RIPOR1: variants seen among roughly 807,000 people sequenced by gnomAD.
RIPOR1 encodes the protein RHO family interacting cell polarization regulator 1.
A neutral mutation model predicts 116.5 loss-of-function variants in RIPOR1; 58 were observed. The ratio of observed to expected loss-of-function variants is 0.50; its 90% confidence interval spans 0.40 to 0.62. RIPOR1 has a LOEUF of 0.62. Ranked by LOEUF, RIPOR1 falls within the 20% of genes least tolerant of loss-of-function variation. RIPOR1 has a pLI of 0.00. For missense variants in RIPOR1, 1,372 were observed against 1,586.2 expected, an observed-to-expected ratio of 0.86 and a Z score of 2.29; for synonymous variants, 605 against 650.0, an observed-to-expected ratio of 0.93 and a Z score of 1.05.
Position 67,530,902 on chromosome 16 carries a change from A to G in RIPOR1, c.-24+1988A>G, listed in dbSNP as rs2050644784. Among the ~76,000 whole-genome samples, 2 of 151,626 alleles carry G rather than the reference A, an allele frequency of 1.3e-5. No individual in the cohort carries two copies. Among genetic ancestry groups the G allele is most frequent in the Non-Finnish European group, 2.9e-5 (2 of 67,848 alleles). On this transcript the variant is annotated intron_variant, in intron 1 of 21. Transcript: ENST00000042381. The surrounding 1 kb of genome is among the most constrained non-coding windows in gnomAD (Gnocchi z 4.5). ...GAGGTGGCCCTTCTGCCTTAGCTCA[A>G]GGGGTTCAGCTCTTTCCCTACCTGC...
At chr16:67,536,351 G>A (rs1289919644) in intron 1 of RIPOR1, among the ~76,000 whole-genome samples, 1 of 152,140 alleles carries the variant, frequency 6.6e-6, no homozygotes, top group Non-Finnish European at 1.5e-5. Flanking sequence ...GGGAGCCTGA[G>A]GCAGGAGAAT....
upstream of RIPOR1, among the ~76,000 whole-genome samples, chr16:67,527,520 A>G (rs887746751): frequency 6.6e-6 from 1 of 151,516 alleles, no homozygotes. Context: ...CCAAGGTGGG[A>G]GGATCGCTTG....
Position 67,544,256 on chromosome 16 carries a change from G to C in RIPOR1, c.2601-43G>C. 6.4e-7 allele frequency: 1 copy of C among 1,569,630 alleles called. No homozygotes were observed. Among genetic ancestry groups the C allele is most frequent in the South Asian group, 1.1e-5 (1 of 88,736 alleles). On this transcript the variant is annotated intron_variant, in intron 14 of 21. Coordinates refer to ENST00000042381, the MANE Select transcript of RIPOR1 (RefSeq NM_024519.4). The surrounding 1 kb of genome is among the most constrained non-coding windows in gnomAD (Gnocchi z 5.1). ...AAAAATAAACGCTGGTGACCAGGTG[G>C]TGATGTGTGCCTGTGGGGTGGTGGA...
chr16:67,540,178 C>T lies in RIPOR1; in HGVS notation c.540C>T (p.Ala180=), dbSNP rs770391113. 6 of 1,614,040 alleles carry T rather than the reference C, an allele frequency of 3.7e-6. No individual in the cohort carries two copies. Among genetic ancestry groups the T allele is most frequent in the Admixed American group, 3.3e-5 (2 of 60,012 alleles). Residue 180 remains alanine, a synonymous_variant, in exon 7 of 22, where the codon GCC becomes GCT. Transcript: ENST00000042381. The surrounding 1 kb of genome is among the most constrained non-coding windows in gnomAD (Gnocchi z 4.7). The part of the protein sequence containing the change: ...SREARDSLAE[A]TRGHREYTES... ...AGGCCCGGGACAGCCTGGCAGAGGCCACTCGGGGGCATCGCGAGTACACGG... is the reference window on the plus strand; with the variant it reads ...AGGCCCGGGACAGCCTGGCAGAGGCTACTCGGGGGCATCGCGAGTACACGG...
In RIPOR1 at chr16:67,539,173, A is replaced by G. The variant is rs922588669; in HGVS notation, c.336+105A>G. 7 of 928,154 alleles carry G rather than the reference A, an allele frequency of 7.5e-6. No homozygotes were observed. In the Admixed American group the frequency reaches 1.7e-4, roughly 23 times the overall value. The allele number at this position is 928,154 out of a possible 1,614,324, so 57.5% of individuals were successfully genotyped here. A position where few individuals can be genotyped will look rare whatever the true frequency, so the allele number is the denominator to read the frequency against. On this transcript the variant is annotated intron_variant, in intron 4 of 21. Coordinates refer to ENST00000042381, the MANE Select transcript of RIPOR1 (RefSeq NM_024519.4). ...GCTATTTTCTGAAGTGATCTGGTTC[A>G]GGTGTGAGTAGAAAAGGGGATATCA...
chr16:67,537,711 A>C lies in RIPOR1; in HGVS notation c.-23-713A>C. 1.5e-6 allele frequency: 1 copy of C among 650,822 alleles called. No individual in the cohort carries two copies. The highest frequency in any genetic ancestry group is 2.2e-6 in the Non-Finnish European group (1 of 452,090). The allele number at this position is 650,822 out of a possible 1,614,324, so 40.3% of individuals were successfully genotyped here. A position where few individuals can be genotyped will look rare whatever the true frequency, so the allele number is the denominator to read the frequency against. On this transcript the variant is annotated intron_variant, in intron 1 of 21. Coordinates refer to ENST00000042381, the MANE Select transcript of RIPOR1 (RefSeq NM_024519.4). The surrounding 1 kb of genome is among the most constrained non-coding windows in gnomAD (Gnocchi z 4.6). ...GAAGCGGGGTGGGGGTCTGCCGAGG[A>C]GCTCTCCCCGCCGATGCCGGGGTGG...
rs1597652202 is a variant in RIPOR1 at position 67,542,999 on chromosome 16, C to T, written c.2213C>T (p.Thr738Ile). 1 of 1,568,142 alleles carries T rather than the reference C, an allele frequency of 6.4e-7. No homozygotes were observed. The highest frequency in any genetic ancestry group is 8.6e-7 in the Non-Finnish European group (1 of 1,157,646). ...GCCCATTCCAGTAGGAAACCCCTCA[C>T]AAGCCCTGCCCCAGATCCCTCAGAG... Reference protein sequence around the residue: ...SPAHSSRKPLTSPAPDPSEST... With the variant: ...SPAHSSRKPLISPAPDPSEST... Residue 738 changes from threonine (T) to isoleucine (I), a missense_variant, in exon 13 of 22, where the codon ACA becomes ATA. Thr to Ile is a moderately conservative substitution (Grantham distance 89). This residue lies in a region of RIPOR1 where 1,005 missense variants were observed against 1,144.7 expected (regional missense o/e 0.88). Coordinates refer to ENST00000042381, the MANE Select transcript of RIPOR1 (RefSeq NM_024519.4). This position sits in a 1 kb window ranked among gnomAD's most constrained non-coding sequence, Gnocchi z 4.6.
At chr16:67,538,890 G>A (rs2050887667) in intron 3 of RIPOR1, 66 bp downstream of exon 3, 2 of 1,610,594 alleles carry the variant, frequency 1.2e-6, no homozygotes, top group Non-Finnish European at 8.5e-7. Flanking sequence ...CCTGCTAGCA[G>A]GAACCTTCTC....
Position 67,542,220 on chromosome 16 carries a change from C to G in RIPOR1, c.1434C>G (p.Ser478Arg). 3 of 1,613,538 alleles carry G rather than the reference C, an allele frequency of 1.9e-6. No homozygotes were observed. The highest frequency in any genetic ancestry group is 1.7e-6 in the Non-Finnish European group (2 of 1,179,644). Reference sequence around the variant, plus strand: ...CAGAAAGCCTAGCCTGGGGACCTAGCCCACCTACACACCCAGCTCCCACCC... The same window carrying G: ...CAGAAAGCCTAGCCTGGGGACCTAGGCCACCTACACACCCAGCTCCCACCC... ...VGPESLAWGP[S>R]PPTHPAPTHG... Residue 478 changes from serine (S) to arginine (R), a missense_variant, in exon 13 of 22, where the codon AGC (serine) becomes AGG (arginine). Around this residue, in one of 3 missense-constraint regions of RIPOR1, gnomAD observed 1,005 missense variants for 1,144.7 expected, o/e 0.88. Coordinates refer to ENST00000042381, the MANE Select transcript of RIPOR1 (RefSeq NM_024519.4). The surrounding 1 kb of genome is among the most constrained non-coding windows in gnomAD (Gnocchi z 4.6).
upstream of RIPOR1, among the ~76,000 whole-genome samples, chr16:67,525,536 C>T (rs1194644702): frequency 2.0e-5 from 3 of 151,942 alleles, no homozygotes; most frequent in African/African-American, 7.3e-5. Context: ...TGAGGGAAGC[C>T]GCGGTTTTTC....
At chr16:67,528,762 T>G (rs1199783797), upstream of RIPOR1, 4 of 14,984 alleles carry the variant, frequency 2.7e-4, no homozygotes, top group South Asian at 1.8e-3. Context: ...GCGCAGGGGG[T>G]GGGGCCCGGC....
At position 67,539,027 on chromosome 16, in the gene RIPOR1, C is replaced by T; in HGVS notation, c.295C>T (p.Leu99Phe). Reference sequence around the variant, plus strand: ...AGTGCACCAGCAGGAGCAAGAGAAACTCCAGGGGCAGATAAGGGAGTCCAA... The same window carrying T: ...AGTGCACCAGCAGGAGCAAGAGAAATTCCAGGGGCAGATAAGGGAGTCCAA... ...LEVHQQEQEK[L>F]QGQIRESKRN... is the part of the protein sequence containing the mutation. The change falls in exon 4 of 22, where the codon CTC becomes TTC. Residue 99 changes from leucine to phenylalanine, a missense_variant. Leu to Phe is a conservative substitution (Grantham distance 22). Around this residue, in one of 3 missense-constraint regions of RIPOR1, gnomAD observed 165 missense variants for 145.5 expected, o/e 1.13. Coordinates refer to ENST00000042381, the MANE Select transcript of RIPOR1 (RefSeq NM_024519.4). 6.2e-7 allele frequency: 1 copy of T among 1,613,660 alleles called. No individual in the cohort carries two copies. The highest frequency in any genetic ancestry group is 8.5e-7 in the Non-Finnish European group (1 of 1,179,904).
chr16:67,524,500 C>G (rs749066894), upstream of RIPOR1, among the ~76,000 whole-genome samples: 12 of 152,268 alleles, frequency 7.9e-5, no homozygotes, highest in Admixed American at 7.2e-4. Context: ...AGCTCAGACC[C>G]CTCTCTCTTC....
chr16:67,519,467 C>T (rs1049209634), intron 1 of RIPOR1, among the ~76,000 whole-genome samples: 1 of 152,032 alleles, frequency 6.6e-6, no homozygotes, highest in Non-Finnish European at 1.5e-5. Context: ...CAGAGGTCAT[C>T]CAGCTGCTGC....
intron 1 of RIPOR1, among the ~76,000 whole-genome samples, chr16:67,536,018 T>G (rs1467537263): frequency 6.6e-6 from 1 of 152,100 alleles, no homozygotes; most frequent in Non-Finnish European, 1.5e-5. Context: ...GGGGAGAAAG[T>G]AAGCACAGTA....
Position 67,545,182 on chromosome 16 carries a change from C to T in RIPOR1, c.3031+65C>T. ...CCCAGTGACAGGAAGCTCGGGGAAGCCAGGTCAGCCCACACAGATAAACGA... is the reference window on the plus strand; with the variant it reads ...CCCAGTGACAGGAAGCTCGGGGAAGTCAGGTCAGCCCACACAGATAAACGA... On this transcript the variant is annotated intron_variant, in intron 17 of 21. Coordinates refer to ENST00000042381, the MANE Select transcript of RIPOR1 (RefSeq NM_024519.4). This position sits in a 1 kb window ranked among gnomAD's most constrained non-coding sequence, Gnocchi z 4.8. The T allele has an allele frequency of 3.8e-6, 6 of 1,586,538 alleles. No homozygotes were observed. Among genetic ancestry groups the T allele is most frequent in the Non-Finnish European group, 4.3e-6 (5 of 1,166,124 alleles).
rs2051112102 is a variant in RIPOR1, at chr16:67,544,773, G to C, written c.2812G>C (p.Glu938Gln). 1 of 1,608,420 alleles carries C rather than the reference G, an allele frequency of 6.2e-7. No homozygotes were observed. Among genetic ancestry groups the C allele is most frequent in the African/African-American group, 1.3e-5 (1 of 74,826 alleles). Residue 938 changes from glutamate (E) to glutamine (Q), a missense_variant, in exon 16 of 22, where the codon GAG becomes CAG. Physicochemically the swap from Glu to Gln is conservative, Grantham distance 29. Around this residue, in one of 3 missense-constraint regions of RIPOR1, gnomAD observed 1,005 missense variants for 1,144.7 expected, o/e 0.88. Transcript: ENST00000042381. This position sits in a 1 kb window ranked among gnomAD's most constrained non-coding sequence, Gnocchi z 5.1. ...ERLLREARVL[E>Q]AVCEFSRRWE... ...GCTGCTGCGGGAAGCCCGAGTACTG[G>C]AGGCAGTATGCGAGTTCAGCAGGCG... is the stretch of plus-strand genomic sequence containing the variant.
At chr16:67,524,436 T>G (rs756403529), upstream of RIPOR1, among the ~76,000 whole-genome samples, 1 of 152,144 alleles carries the variant, frequency 6.6e-6, no homozygotes, top group Non-Finnish European at 1.5e-5. Flanking sequence ...GGCCTTTCCT[T>G]ACTTGATCTC....
chr16:67,538,916 TC>T, intron 3 of RIPOR1, 73 bp from the exon 4 acceptor site: 1 of 1,609,002 alleles, frequency 6.2e-7, no homozygotes, highest in Non-Finnish European at 8.5e-7. Context: ...CCATGCCCTC[TC>T]CCTGCTGTCT....
Sources: gnomAD v4.1 joint callset for allele counts (sites outside exome capture counted in the v4.1 genomes callset) on GRCh38, gnomAD v4.1.1 for gene constraint, gnomAD v4.1.1 regional missense constraint, Gnocchi (gnomAD v3.1) non-coding constraint, MANE v1.5 for transcripts, NCBI Gene and HGNC (gene_info 2026-07-23, HGNC 2026-07-21) for gene names.